CNOT6L: variants seen among roughly 807,000 people sequenced by gnomAD.
CNOT6L encodes CCR4-NOT transcription complex subunit 6 like.
A neutral mutation model predicts 64.0 loss-of-function variants in CNOT6L; 7 were observed. That is an observed-to-expected ratio of 0.11 (90% CI 0.06 to 0.21). CNOT6L has a LOEUF of 0.21. CNOT6L is among the 10% of genes least tolerant of loss of function. CNOT6L has a pLI of 1.00. For synonymous variants in CNOT6L, 193 were observed against 243.4 expected (o/e 0.79, Z 1.93); for missense variants, 245 against 669.0 (o/e 0.37, Z 6.99).
chr4:77,812,711 T>C (rs1286160733), intron 1 of CNOT6L, among the ~76,000 whole-genome samples: 1 of 152,072 alleles, frequency 6.6e-6, no homozygotes. Flanking sequence ...CCCATGTTCA[T>C]GGACAGGAAG....
chr4:77,807,793 T>C (rs1445188173), intron 1 of CNOT6L, among the ~76,000 whole-genome samples: 2 of 152,298 alleles, frequency 1.3e-5, no homozygotes, highest in Non-Finnish European at 2.9e-5. Flanking sequence ...GCAAGATATC[T>C]TAGGAAGTAC....
intron 11 of CNOT6L, among the ~76,000 whole-genome samples, chr4:77,722,670 T>A (rs761881114): frequency 6.6e-6 from 1 of 152,202 alleles, no homozygotes; most frequent in Non-Finnish European, 1.5e-5. Flanking sequence ...TTTAATTGAA[T>A]GCATCACTTG....
chr4:77,725,586 CCTTTTA>C (rs1302296722), intron 11 of CNOT6L, among the ~76,000 whole-genome samples: 1 of 151,956 alleles, frequency 6.6e-6, no homozygotes, highest in African/African-American at 2.4e-5. Flanking sequence ...TCTTTCTTTT[CCTTTTA>C]GAGTGTCCCA....
chr4:77,807,907 T>A (rs940724751), intron 1 of CNOT6L, among the ~76,000 whole-genome samples: 1 of 152,102 alleles, frequency 6.6e-6, no homozygotes, highest in African/African-American at 2.4e-5. Context: ...AGAAATAATA[T>A]CAACTTTACC....
chr4:77,746,184 T>G (rs957721427), intron 6 of CNOT6L, among the ~76,000 whole-genome samples: 1 of 152,216 alleles, frequency 6.6e-6, no homozygotes, highest in Non-Finnish European at 1.5e-5. Context: ...AACTGAGATT[T>G]CATTAAAAAG....
At chr4:77,720,688 T>C (rs752781239) in intron 11 of CNOT6L, 45 bp from the exon 12 acceptor site, 36 of 1,592,870 alleles carry the variant, frequency 2.3e-5, no homozygotes, top group Non-Finnish European at 2.9e-5. Context: ...ATTCAAGATA[T>C]ATAAAGAACA....
At chr4:77,804,425 T>C (rs1367539660) in intron 1 of CNOT6L, among the ~76,000 whole-genome samples, 2 of 143,392 alleles carry the variant, frequency 1.4e-5, no homozygotes, top group East Asian at 2.0e-4. Flanking sequence ...CAAGACCCCA[T>C]CTCAAAAAAA....
Position 77,776,323 on chromosome 4 carries a change from T to C in CNOT6L, c.75A>G (p.Ala25=). ...ATTTTTTCCCATTGGCTACCTCCTCTGCTGACATGATGGTATAAATTCTGC... is the reference window on the plus strand; with the variant it reads ...ATTTTTTCCCATTGGCTACCTCCTCCGCTGACATGATGGTATAAATTCTGC... ...DPRRIYTIMS[A]EEVANGKKSH... The change falls in exon 2 of 12, where the codon GCA becomes GCG. Residue 25 remains alanine, a synonymous_variant. Coordinates refer to ENST00000504123, the MANE Select transcript of CNOT6L (RefSeq NM_144571.3). The C allele has an allele frequency of 6.2e-7, 1 of 1,611,774 alleles. No individual in the cohort carries two copies. The highest frequency in any genetic ancestry group is 8.5e-7 in the Non-Finnish European group (1 of 1,179,162).
Position 77,728,693 on chromosome 4 carries a change from T to C in CNOT6L, c.1252+161A>G, listed in dbSNP as rs115291412. Among the ~76,000 whole-genome samples, 1,032 of 152,314 alleles carry C rather than the reference T, an allele frequency of 6.8e-3. 13 individuals are homozygous for C. The highest frequency in any genetic ancestry group is 0.024 in the African/African-American group (1,003 of 41,570). On this transcript the variant is annotated intron_variant, in intron 10 of 11. Coordinates refer to ENST00000504123, the MANE Select transcript of CNOT6L (RefSeq NM_144571.3). ...TTAAACCAGGCAACACCTTTGGTAA[T>C]AGCTTCTTTATTAAACTCTCTTCTA... is the stretch of plus-strand genomic sequence containing the variant.
rs770540417 is a variant in CNOT6L, at chr4:77,773,156, A to T, written c.325T>A (p.Leu109Ile). Residue 109 changes from leucine (L) to isoleucine (I), a missense_variant, in exon 4 of 12, where the codon TTA (leucine) becomes ATA (isoleucine). Coordinates refer to ENST00000504123, the MANE Select transcript of CNOT6L (RefSeq NM_144571.3). ...GNMVSLRELL[L>I]NNNLLRVLPY... ...AAAACCCGTAACAGATTGTTATTTA[A>T]AAGCAATTCCCTGTTTTAAAAAAAA... is the stretch of plus-strand genomic sequence containing the variant. 1.9e-6 allele frequency: 3 copies of T among 1,578,802 alleles called. No individual in the cohort carries two copies. The South Asian group carries it at 3.6e-5, about 19-fold the overall frequency.
chr4:77,747,332 T>G (rs1223114211), intron 6 of CNOT6L, among the ~76,000 whole-genome samples: 1 of 152,068 alleles, frequency 6.6e-6, no homozygotes, highest in Non-Finnish European at 1.5e-5. Flanking sequence ...ACGACCTGGC[T>G]AATTTTTGTG....
intron 4 of CNOT6L, among the ~76,000 whole-genome samples, chr4:77,771,232 G>A (rs1230167241): frequency 1.3e-5 from 2 of 152,182 alleles, no homozygotes; most frequent in East Asian, 3.9e-4. Flanking sequence ...AGAATCACTT[G>A]AACCTGGGAG....
chr4:77,731,301 AC>A, intron 9 of CNOT6L, 85 bp downstream of exon 9: 10 of 1,318,774 alleles, frequency 7.6e-6, no homozygotes, highest in Non-Finnish European at 1.1e-5. Flanking sequence ...GCAATAAATA[AC>A]GGCAAAATTC....
chr4:77,785,108 T>A (rs141655206), intron 1 of CNOT6L, among the ~76,000 whole-genome samples: 190 of 152,258 alleles, frequency 1.2e-3, no homozygotes, highest in African/African-American at 4.4e-3. Flanking sequence ...GGAACAGAAC[T>A]GAGAAGCTGG....
chr4:77,789,845 G>A (rs1729912921), intron 1 of CNOT6L, among the ~76,000 whole-genome samples: 1 of 150,802 alleles, frequency 6.6e-6, no homozygotes, highest in South Asian at 2.1e-4. Flanking sequence ...CAGCTACTTG[G>A]GAAGCTGAGG....
At position 77,774,550 on chromosome 4, in the gene CNOT6L, T is replaced by G. The variant is rs1198815226; in HGVS notation, c.294A>C (p.Leu98=). 6.2e-7 allele frequency: 1 copy of G among 1,611,548 alleles called. No homozygotes were observed. The highest frequency in any genetic ancestry group is 8.5e-7 in the Non-Finnish European group (1 of 1,178,940). ...SNKLRSLPAE[L]GNMVSLRELL... Reference sequence around the variant, plus strand: ...CTCACCTGAGAGACACCATGTTTCCTAGTTCTGCTGGTAAACTTCTGAGTT... The same window carrying G: ...CTCACCTGAGAGACACCATGTTTCCGAGTTCTGCTGGTAAACTTCTGAGTT... Residue 98 remains leucine (L), a synonymous_variant, in exon 3 of 12, where the codon CTA becomes CTC. Transcript: ENST00000504123.
Position 77,716,955 on chromosome 4 carries a change from A to G in CNOT6L, c.*3476T>C, listed in dbSNP as rs560057558. 4 of 152,710 alleles carry G rather than the reference A, an allele frequency of 2.6e-5. No individual in the cohort carries two copies. In the East Asian group the frequency reaches 5.8e-4, roughly 22 times the overall value. The allele number at this position is 152,710 out of a possible 1,614,324, so 9.5% of individuals were successfully genotyped here. Reference sequence around the variant, plus strand: ...CCATTGTGCCATACCTGACTTCAACATGTGATATTCAAACGAATGTTCACA... The same window carrying G: ...CCATTGTGCCATACCTGACTTCAACGTGTGATATTCAAACGAATGTTCACA... On this transcript the variant is annotated 3_prime_UTR_variant, in exon 12 of 12. Transcript: ENST00000504123.
At chr4:77,759,857 C>A (rs1379919717) in intron 4 of CNOT6L, among the ~76,000 whole-genome samples, 1 of 152,098 alleles carries the variant, frequency 6.6e-6, no homozygotes, top group Non-Finnish European at 1.5e-5. Flanking sequence ...GCATTCGTTC[C>A]AAGTGCACAT....
At chr4:77,726,880 A>AT (rs1721907705) in intron 10 of CNOT6L, among the ~76,000 whole-genome samples, 1 of 152,210 alleles carries the variant, frequency 6.6e-6, no homozygotes, top group Non-Finnish European at 1.5e-5. Flanking sequence ...ATCATTCTTT[A>AT]TTTTGAGCTA....
Sources: allele counts gnomAD v4.1 joint callset (sites outside exome capture counted in the v4.1 genomes callset), GRCh38; gene constraint gnomAD v4.1.1; transcripts MANE v1.5; gene names NCBI Gene and HGNC (gene_info 2026-07-23, HGNC 2026-07-21).